Variants in UGGT2 observed in about 807,000 individuals in gnomAD.
UGGT2 encodes UDP-glucose glycoprotein glucosyltransferase 2, also known as UDP-glucose:glycoprotein glucosyltransferase 2.
In UGGT2, 180 loss-of-function variants were observed where a neutral mutation model predicts 192.1. The observed-to-expected ratio is 0.94, with a 90% CI of 0.83 to 1.06. The LOEUF (loss-of-function observed/expected upper bound fraction) is 1.06. Ranked by LOEUF, UGGT2 falls within the 50% of genes least tolerant of loss-of-function variation. The pLI, the probability that UGGT2 is intolerant of heterozygous loss-of-function variation, is 0.00. For synonymous variants in UGGT2, 580 were observed against 591.0 expected, an observed-to-expected ratio of 0.98 and a Z score of 0.27; for missense variants, 1,849 against 1,795.7, an observed-to-expected ratio of 1.03 and a Z score of -0.54.
chr13:95,853,304 C>T (rs1889241946), intron 36 of UGGT2, among the ~76,000 whole-genome samples: 1 of 152,002 alleles, frequency 6.6e-6, no homozygotes, highest in Non-Finnish European at 1.5e-5. Context: ...TAAAACAGGG[C>T]ATAAAGTAGA....
intron 27 of UGGT2, among the ~76,000 whole-genome samples, chr13:95,879,602 A>G (rs1221509027): frequency 2.0e-5 from 3 of 152,004 alleles, no homozygotes; most frequent in Admixed American, 6.5e-5. Context: ...CTCTGAGCTA[A>G]TTTTTTGTAC....
At chr13:95,818,897 T>G (rs1217834668) in intron 38 of UGGT2, among the ~76,000 whole-genome samples, 1 of 152,142 alleles carries the variant, frequency 6.6e-6, no homozygotes, top group African/African-American at 2.4e-5. Flanking sequence ...AAGAGTTACC[T>G]CTAGGCCTTT....
At chr13:95,970,761 T>G (rs1488128072) in intron 11 of UGGT2, among the ~76,000 whole-genome samples, 1 of 152,138 alleles carries the variant, frequency 6.6e-6, no homozygotes, top group Non-Finnish European at 1.5e-5. Context: ...AGTATTACTG[T>G]AAACAACAAC....
intron 6 of UGGT2, among the ~76,000 whole-genome samples, chr13:95,997,616 C>G (rs2140920992): frequency 6.6e-6 from 1 of 151,680 alleles, no homozygotes; most frequent in South Asian, 2.1e-4. Context: ...GCACTCCAGC[C>G]TGGGTGACAG....
At chr13:95,927,686 T>C (rs1299997934) in intron 17 of UGGT2, among the ~76,000 whole-genome samples, 1 of 152,136 alleles carries the variant, frequency 6.6e-6, no homozygotes, top group Non-Finnish European at 1.5e-5. Context: ...TTAGTATTTA[T>C]TGATCATTCT....
chr13:95,959,237 C>G (rs1041080084), intron 12 of UGGT2, among the ~76,000 whole-genome samples: 1 of 152,188 alleles, frequency 6.6e-6, no homozygotes. Flanking sequence ...ATTCCATTTG[C>G]TGCAAACTGT....
intron 4 of UGGT2, among the ~76,000 whole-genome samples, chr13:96,020,172 T>G (rs2052473164): frequency 6.6e-6 from 1 of 152,182 alleles, no homozygotes; most frequent in African/African-American, 2.4e-5. Flanking sequence ...AGACACTGAC[T>G]CCTAGTTGAA....
At chr13:95,830,557 T>C (rs1249839228) in intron 38 of UGGT2, among the ~76,000 whole-genome samples, 1 of 152,040 alleles carries the variant, frequency 6.6e-6, no homozygotes, top group Non-Finnish European at 1.5e-5. Context: ...ATTAGAGAAA[T>C]GCAAATCAAA....
intron 27 of UGGT2, among the ~76,000 whole-genome samples, chr13:95,880,863 G>A (rs2047472259): frequency 6.8e-6 from 1 of 147,192 alleles, no homozygotes; most frequent in Non-Finnish European, 1.5e-5. Flanking sequence ...TCTTATCATA[G>A]GTAGGTATGT....
At chr13:95,950,087 C>T (rs973366138) in intron 12 of UGGT2, among the ~76,000 whole-genome samples, 1 of 152,050 alleles carries the variant, frequency 6.6e-6, no homozygotes, top group Non-Finnish European at 1.5e-5. Context: ...AGTTGGAAAG[C>T]AGAAGTCAAA....
At chr13:96,003,703 A>G (rs2051879522) in intron 5 of UGGT2, among the ~76,000 whole-genome samples, 1 of 152,228 alleles carries the variant, frequency 6.6e-6, no homozygotes, top group Admixed American at 6.5e-5. Context: ...TCCAGCTATC[A>G]GCCTGAACTG....
At chr13:95,822,768 A>G (rs1459602848) in intron 38 of UGGT2, among the ~76,000 whole-genome samples, 2 of 151,628 alleles carry the variant, frequency 1.3e-5, no homozygotes, top group Admixed American at 1.3e-4. Context: ...TTCTTGTTTC[A>G]TTGTTCTTTT....
intron 16 of UGGT2, among the ~76,000 whole-genome samples, chr13:95,939,560 AAT>A (rs1465730504): frequency 2.0e-5 from 3 of 151,684 alleles, no homozygotes; most frequent in South Asian, 2.1e-4. Flanking sequence ...ACAAGTAAAA[AAT>A]ATATATGTTT....
intron 20 of UGGT2, among the ~76,000 whole-genome samples, chr13:95,905,328 T>C (rs1323432273): frequency 1.3e-5 from 2 of 150,090 alleles, no homozygotes; most frequent in African/African-American, 4.9e-5. Flanking sequence ...ATTTTGGCTT[T>C]TGTTGCCATT....
intron 12 of UGGT2, among the ~76,000 whole-genome samples, chr13:95,955,271 G>T (rs1356629368): frequency 6.6e-6 from 1 of 152,154 alleles, no homozygotes; most frequent in Admixed American, 6.5e-5. Context: ...TGTCCACCAG[G>T]CTATGATACA....
chr13:95,897,816 A>T (rs894965524), intron 22 of UGGT2, among the ~76,000 whole-genome samples: 1 of 152,190 alleles, frequency 6.6e-6, no homozygotes, highest in Non-Finnish European at 1.5e-5. Context: ...AACAGAAAAA[A>T]TCAACATAAT....
intron 38 of UGGT2, among the ~76,000 whole-genome samples, chr13:95,805,790 G>C (rs1884272951): frequency 6.6e-6 from 1 of 152,128 alleles, no homozygotes; most frequent in Non-Finnish European, 1.5e-5. Flanking sequence ...AAGGGGAACT[G>C]TTAATGAGTA....
chr13:95,816,681 G>A (rs58887467), intron 38 of UGGT2, among the ~76,000 whole-genome samples: 1,734 of 152,330 alleles, frequency 0.011, 34 homozygotes, highest in African/African-American at 0.04. Context: ...AGGCACAACT[G>A]TTACAACAGA....
intron 38 of UGGT2, among the ~76,000 whole-genome samples, chr13:95,818,635 G>C (rs972828669): frequency 6.6e-6 from 1 of 152,112 alleles, no homozygotes; most frequent in African/African-American, 2.4e-5. Flanking sequence ...AAGAGCAAGA[G>C]CCTGTTACTG....
Sources: allele counts gnomAD v4.1 joint callset (sites outside exome capture counted in the v4.1 genomes callset), GRCh38; gene constraint gnomAD v4.1.1; transcripts MANE v1.5; gene names NCBI Gene and HGNC (gene_info 2026-07-23, HGNC 2026-07-21).